TSHZ3: variants seen among roughly 807,000 people sequenced by gnomAD.
TSHZ3 encodes the protein teashirt homolog 3.
Under a neutral mutation model 64.5 loss-of-function variants are expected in TSHZ3, and 10 were observed. The ratio of observed to expected loss-of-function variants is 0.16; its 90% CI spans 0.10 to 0.26. The LOEUF is 0.26. Ranked by LOEUF, TSHZ3 falls within the 10% of genes least tolerant of loss-of-function variation. The pLI is 1.00. For missense variants in TSHZ3, 1,242 were observed against 1,421.7 expected (o/e 0.87, Z 2.03); for synonymous variants, 608 against 593.1 (o/e 1.03, Z -0.36).
chr19:31,175,440 GT>G (rs5827756), intron 5 of TSHZ3, among the ~76,000 whole-genome samples: 94,945 of 151,980 alleles, frequency 0.62, 30,107 homozygotes, highest in African/African-American at 0.75. Flanking sequence ...ATTTGTTTGT[GT>G]TTTTTTTACA....
intron 5 of TSHZ3, among the ~76,000 whole-genome samples, chr19:31,173,715 C>T (rs1019039051): frequency 3.3e-5 from 5 of 152,208 alleles, no homozygotes; most frequent in African/African-American, 9.6e-5. Flanking sequence ...CCACTCTCTC[C>T]CACCGGATCC....
chr19:31,325,104 TA>T (rs1318293392), intron 1 of TSHZ3, among the ~76,000 whole-genome samples: 1 of 152,234 alleles, frequency 6.6e-6, no homozygotes, highest in Non-Finnish European at 1.5e-5. Context: ...CCGTAGGAAC[TA>T]AACATAGGTA....
intron 5 of TSHZ3, among the ~76,000 whole-genome samples, chr19:31,162,808 C>T (rs972438933): frequency 2.0e-5 from 3 of 152,218 alleles, no homozygotes; most frequent in African/African-American, 7.2e-5. Context: ...GGAACCATGG[C>T]ACAGCCAGGG....
chr19:31,257,732 G>A (rs1387070109), intron 1 of TSHZ3, among the ~76,000 whole-genome samples: 1 of 152,174 alleles, frequency 6.6e-6, no homozygotes, highest in Admixed American at 6.5e-5. Flanking sequence ...CTTGTCCCTG[G>A]GCCTGACCTC....
At chr19:31,174,772 G>A (rs1407873125) in intron 5 of TSHZ3, among the ~76,000 whole-genome samples, 1 of 152,216 alleles carries the variant, frequency 6.6e-6, no homozygotes, top group Non-Finnish European at 1.5e-5. Flanking sequence ...TTGGTATGGA[G>A]GGGAGAGGGT....
intron 4 of TSHZ3, among the ~76,000 whole-genome samples, chr19:31,223,031 G>A (rs1975410957): frequency 6.6e-6 from 1 of 152,168 alleles, no homozygotes; most frequent in South Asian, 2.1e-4. Flanking sequence ...ATGACCATGA[G>A]GCTCAGGAGG....
intron 1 of TSHZ3, among the ~76,000 whole-genome samples, chr19:31,291,080 G>T (rs1007527304): frequency 1.3e-5 from 2 of 152,252 alleles, no homozygotes; most frequent in Non-Finnish European, 2.9e-5. Flanking sequence ...CTTTAGCACA[G>T]CCCGAGTGGC....
chr19:31,277,693 G>A lies in TSHZ3; in HGVS notation c.2100C>T (p.Ser700=), dbSNP rs1339613168. The part of the protein sequence containing the change: ...NGKELVKPLA[S]SLSGSTAIIT... ...TGATGGCCGTGCTGCCACTCAAACT[G>A]CTGGCTAGGGGCTTCACCAGCTCCT... The change falls in exon 2 of 2, where the codon AGC becomes AGT. Residue 700 remains serine (S), a synonymous_variant. Transcript: ENST00000240587. The surrounding 1 kb of genome is among the most constrained non-coding windows in gnomAD (Gnocchi z 4.5). 16 of 1,527,606 alleles carry A rather than the reference G, an allele frequency of 1.0e-5. No individual in the cohort carries two copies. The South Asian group carries it at 2.0e-4, about 19-fold the overall frequency. The allele number at this position is 1,527,606 out of a possible 1,614,324, so 94.6% of individuals were successfully genotyped here. A position where few individuals can be genotyped will look rare whatever the true frequency, so the allele number is the denominator to read the frequency against.
intron 4 of TSHZ3, among the ~76,000 whole-genome samples, chr19:31,220,829 G>A (rs1253012369): frequency 6.6e-6 from 1 of 152,116 alleles, no homozygotes; most frequent in Non-Finnish European, 1.5e-5. Context: ...GAAAGATGAA[G>A]GAACAGATTT....
At chr19:31,184,799 C>T (rs1270202550) in intron 5 of TSHZ3, among the ~76,000 whole-genome samples, 4 of 152,154 alleles carry the variant, frequency 2.6e-5, no homozygotes, top group African/African-American at 7.2e-5. Context: ...TTTATCACCG[C>T]GGCTTCATAA....
At chr19:31,282,380 T>C (rs1282510967) in intron 1 of TSHZ3, among the ~76,000 whole-genome samples, 1 of 151,912 alleles carries the variant, frequency 6.6e-6, no homozygotes, top group Non-Finnish European at 1.5e-5. Flanking sequence ...GAGAGAGAAA[T>C]GGCCCCACAG....
At chr19:31,243,304 T>A (rs886692689) in intron 1 of TSHZ3, among the ~76,000 whole-genome samples, 4 of 152,180 alleles carry the variant, frequency 2.6e-5, no homozygotes, top group Non-Finnish European at 5.9e-5. Flanking sequence ...TTGGCACAAT[T>A]CCATGCTTGG....
chr19:31,265,397 C>CAAAAAAAAAAAAAAAAAAAAAAAAAA (rs11432951), intron 1 of TSHZ3, among the ~76,000 whole-genome samples: 1 of 34,274 alleles, frequency 2.9e-5, no homozygotes, highest in African/African-American at 1.2e-4. Context: ...AACTCTGTCT[C>CAAAAAAAAAAAAAAAAAAAAAAAAAA]AAAAAAAAAA....
chr19:31,277,481 G>C lies in TSHZ3; in HGVS notation c.2312C>G (p.Ser771Cys). Reference protein sequence around the residue: ...AAVATPPPLQSKKADHLDRYF... With the variant: ...AAVATPPPLQCKKADHLDRYF... The stretch of plus-strand genomic sequence containing the variant: ...GCGGTCGAGGTGGTCTGCCTTCTTG[G>C]ACTGCAGGGGCGGCGGGGTGGCCAC... The change falls in exon 2 of 2, where the codon TCC becomes TGC. Residue 771 changes from serine to cysteine, a missense_variant. Transcript: ENST00000240587. This position sits in a 1 kb window ranked among gnomAD's most constrained non-coding sequence, Gnocchi z 4.5. The C allele has an allele frequency of 6.2e-7, 1 of 1,612,158 alleles. No individual in the cohort carries two copies. The highest frequency in any genetic ancestry group is 8.5e-7 in the Non-Finnish European group (1 of 1,178,656).
intron 1 of TSHZ3, among the ~76,000 whole-genome samples, chr19:31,293,017 C>A (rs1164262508): frequency 1.4e-5 from 2 of 145,782 alleles, no homozygotes; most frequent in South Asian, 2.2e-4. Flanking sequence ...AAAAATGTAT[C>A]CATCCATCCA....
rs905496907 is a variant in TSHZ3, at chr19:31,205,076, A to G, written n.689T>C. Reference sequence around the variant, plus strand: ...GCGATCCTTCCTGGACTCTAGTTGTATCCTGCAGAGGTGTAGGAGATGAGC... The same window carrying G: ...GCGATCCTTCCTGGACTCTAGTTGTGTCCTGCAGAGGTGTAGGAGATGAGC... On this transcript the variant is annotated splice_region_variant and non_coding_transcript_exon_variant, in exon 5 of 7. Transcript: ENST00000651361. Among the ~76,000 whole-genome samples the G allele has an allele frequency of 7.8e-4, 118 of 152,232 alleles. 1 individual carries two copies. Among genetic ancestry groups the G allele is most frequent in the African/African-American group, 2.8e-3 (115 of 41,550 alleles).
At chr19:31,289,373 C>G (rs1351847381) in intron 1 of TSHZ3, among the ~76,000 whole-genome samples, 1 of 152,044 alleles carries the variant, frequency 6.6e-6, no homozygotes, top group Non-Finnish European at 1.5e-5. Flanking sequence ...TCTGGGCAGC[C>G]TTAAAATGGG....
intron 1 of TSHZ3, among the ~76,000 whole-genome samples, chr19:31,306,207 G>A (rs998154702): frequency 1.3e-5 from 2 of 152,212 alleles, no homozygotes; most frequent in African/African-American, 4.8e-5. Flanking sequence ...TTCAGATGGA[G>A]TTGCGGGGCC....
At chr19:31,317,621 C>T (rs998002985) in intron 1 of TSHZ3, among the ~76,000 whole-genome samples, 3 of 152,200 alleles carry the variant, frequency 2.0e-5, no homozygotes, top group African/African-American at 4.8e-5. Flanking sequence ...GTGCACCAAG[C>T]CAGGTGTGAG....
Sources: gnomAD v4.1 joint callset for allele counts (sites outside exome capture counted in the v4.1 genomes callset) on GRCh38, gnomAD v4.1.1 for gene constraint, Gnocchi (gnomAD v3.1) non-coding constraint, MANE v1.5 for transcripts, NCBI Gene and HGNC (gene_info 2026-07-23, HGNC 2026-07-21) for gene names.